UBXN11: variants seen among roughly 807,000 people sequenced by gnomAD.
The protein encoded by UBXN11 is UBX domain protein 11.
Under a neutral mutation model 62.8 loss-of-function variants are expected in UBXN11, and 47 were observed. The ratio of observed to expected loss-of-function variants is 0.75; its 90% CI spans 0.59 to 0.95. UBXN11 has a LOEUF of 0.95. Ranked by LOEUF, UBXN11 falls within the 40% of genes least tolerant of loss-of-function variation. UBXN11 has a pLI of 0.00. For synonymous variants in UBXN11, 294 were observed against 267.0 expected, an observed-to-expected ratio of 1.10 and a Z score of -0.99; for missense variants, 638 against 661.7, an observed-to-expected ratio of 0.96 and a Z score of 0.39.
At chr1:26,298,118 G>C (rs906423147) in intron 4 of UBXN11, 56 bp from the exon 5 acceptor site, 22 of 1,563,344 alleles carry the variant, frequency 1.4e-5, no homozygotes, top group Admixed American at 1.1e-4. Context: ...CTGAGTTGTG[G>C]GGGGGAGGGA....
In UBXN11 at chr1:26,296,903, G is replaced by A. The variant is rs773768542; in HGVS notation, c.432+16C>T. 8 of 1,598,456 alleles carry A rather than the reference G, an allele frequency of 5.0e-6. No individual in the cohort carries two copies. The highest frequency in any genetic ancestry group is 1.3e-5 in the African/African-American group (1 of 74,718). On this transcript the variant is annotated intron_variant, in intron 7 of 14. Coordinates refer to ENST00000374222, the MANE Select transcript of UBXN11 (RefSeq NM_001389556.1). ...ACTGCTGGCTGCCCGCATCCCCCGG[G>A]GCCCAGCTCTCTCACCTCCATCTCC...
chr1:26,298,085 A>G (rs1212219488), intron 4 of UBXN11, 23 bp from the exon 5 acceptor site: 2 of 1,608,206 alleles, frequency 1.2e-6, no homozygotes, highest in East Asian at 4.5e-5. Flanking sequence ...CAAAGTCTTT[A>G]GAGCCCAGAC....
At chr1:26,296,338 C>T (rs1195938971) in intron 7 of UBXN11, among the ~76,000 whole-genome samples, 6 of 152,204 alleles carry the variant, frequency 3.9e-5, no homozygotes, top group Non-Finnish European at 5.9e-5. Context: ...GGAAACTGCT[C>T]CCTCCGTCGT....
Position 26,285,494 on chromosome 1 carries a change from C to T in UBXN11, c.822G>A (p.Gln274=). Residue 274 remains glutamine, a synonymous_variant, in exon 10 of 15, where the codon CAG becomes CAA. Transcript: ENST00000374222. ...ILDGFFPSEL[Q]RLYPNGVPFK... is the part of the protein sequence containing the mutation. ...AGGGGACCCCATTGGGGTACAGTCG[C>T]TGGAGCTCTGAGGGAAAGAAGCCAT... 1 of 1,604,588 alleles carries T rather than the reference C, an allele frequency of 6.2e-7. No homozygotes were observed. The highest frequency in any genetic ancestry group is 1.1e-5 in the South Asian group (1 of 90,450).
chr1:26,285,869 A>T lies in UBXN11; in HGVS notation c.728T>A (p.Met243Lys). 6.2e-7 allele frequency: 1 copy of T among 1,612,412 alleles called. No individual in the cohort carries two copies. The highest frequency in any genetic ancestry group is 8.5e-7 in the Non-Finnish European group (1 of 1,178,594). ...IPLKLYRNGI[M>K]MFDGPFQPFY... ...GGGCTGGAAGGGCCCGTCGAACATCATGATGCCATTCCGGTAGAGCTTCAG... is the reference window on the plus strand; with the variant it reads ...GGGCTGGAAGGGCCCGTCGAACATCTTGATGCCATTCCGGTAGAGCTTCAG... The change falls in exon 9 of 15, where the codon ATG becomes AAG. Residue 243 changes from methionine (M) to lysine (K), a missense_variant. Coordinates refer to ENST00000374222, the MANE Select transcript of UBXN11 (RefSeq NM_001389556.1).
intron 8 of UBXN11, among the ~76,000 whole-genome samples, chr1:26,290,495 G>A (rs1057351959): frequency 3.3e-5 from 5 of 152,178 alleles, no homozygotes; most frequent in Admixed American, 6.5e-5. Context: ...AGCTTCAGAG[G>A]GGAGGGAAGC....
At position 26,284,470 on chromosome 1, in the gene UBXN11, G is replaced by C. The variant is rs138559558; in HGVS notation, c.865C>G (p.Arg289Gly). 6 of 1,600,052 alleles carry C rather than the reference G, an allele frequency of 3.7e-6. No individual in the cohort carries two copies. The East Asian group carries it at 1.1e-4, about 30-fold the overall frequency. Residue 289 changes from arginine (R) to glycine (G), a missense_variant, in exon 11 of 15, where the codon CGC (arginine) becomes GGC (glycine). Transcript: ENST00000374222. ...NGVPFKVSDL[R>G]NQVYLEDGLD... ...CCATCCTCCAGGTAGACCTGATTGC[G>C]CAAGTCACTCACCTGGCAAGAAAGA...
intron 2 of UBXN11, among the ~76,000 whole-genome samples, chr1:26,302,199 T>C (rs866927653): frequency 2.0e-5 from 3 of 151,640 alleles, no homozygotes; most frequent in Admixed American, 2.0e-4. Flanking sequence ...CCGTCTCTAC[T>C]AAAAATACAA....
chr1:26,317,304 C>G (rs938477782), intron 1 of UBXN11, among the ~76,000 whole-genome samples: 9 of 152,212 alleles, frequency 5.9e-5, no homozygotes, highest in African/African-American at 2.2e-4. Flanking sequence ...CTATTTCAGT[C>G]TTCCCAGTTC....
upstream of UBXN11, among the ~76,000 whole-genome samples, chr1:26,310,392 G>A (rs1448159902): frequency 6.6e-6 from 1 of 152,106 alleles, no homozygotes; most frequent in Non-Finnish European, 1.5e-5. Context: ...ACAAAAATCA[G>A]CCAGGTGTGG....
rs796541942 is a variant in UBXN11, at chr1:26,301,695, A to G, written c.99T>C (p.Asp33=). 1.9e-6 allele frequency: 3 copies of G among 1,613,982 alleles called. No individual in the cohort carries two copies. Among genetic ancestry groups the G allele is most frequent in the East Asian group, 4.5e-5 (2 of 44,882 alleles). Reference sequence around the variant, plus strand: ...GGCACGAGGGCGGGGCACACTTACCATCTCCATAGATGCGGATTCCTCGCC... The same window carrying G: ...GGCACGAGGGCGGGGCACACTTACCGTCTCCATAGATGCGGATTCCTCGCC... ...PGRRGIRIYG[D]EDEVDMLSDG... The change falls in exon 3 of 15, where the codon GAT becomes GAC. Residue 33 remains aspartate (D), a splice_region_variant and synonymous_variant. Transcript: ENST00000374222.
At position 26,300,777 on chromosome 1, in the gene UBXN11, C is replaced by A. The variant is rs1042856012; in HGVS notation, c.199+149G>T. On this transcript the variant is annotated intron_variant, in intron 4 of 14. Transcript: ENST00000374222. Reference sequence around the variant, plus strand: ...GGGGCTTGTGTGGCTTTATGCCAAGCCAGGTCCCTGCCACAATCAGCCAGG... The same window carrying A: ...GGGGCTTGTGTGGCTTTATGCCAAGACAGGTCCCTGCCACAATCAGCCAGG... The A allele has an allele frequency of 1.2e-4, 171 of 1,369,908 alleles. 1 individual carries two copies. Among genetic ancestry groups the A allele is most frequent in the Non-Finnish European group, 1.6e-4 (163 of 1,022,828 alleles). The allele number at this position is 1,369,908 out of a possible 1,614,324, so 84.9% of individuals were successfully genotyped here. A position where few individuals can be genotyped will look rare whatever the true frequency, so the allele number is the denominator to read the frequency against.
At position 26,297,482 on chromosome 1, in the gene UBXN11, C is replaced by T. The variant is rs1193500265; in HGVS notation, c.301-1G>A. ...CCTCTAGGGCCGCTATCTTCTGATC[C>T]TGTAGCATAAGACACAGGGTGAGCA... On this transcript the variant is annotated splice_acceptor_variant, in intron 5 of 14. Transcript: ENST00000374222. LOFTEE classifies it high-confidence loss of function. The T allele has an allele frequency of 6.4e-6, 10 of 1,554,924 alleles. No individual in the cohort carries two copies. Among genetic ancestry groups the T allele is most frequent in the Non-Finnish European group, 8.7e-6 (10 of 1,149,098 alleles).
At chr1:26,292,311 A>G (rs1258949141) in intron 8 of UBXN11, among the ~76,000 whole-genome samples, 1 of 151,612 alleles carries the variant, frequency 6.6e-6, no homozygotes, top group African/African-American at 2.4e-5. Flanking sequence ...GGCATCCAGG[A>G]GTTCAAGACC....
Position 26,294,203 on chromosome 1 carries a change from A to C in UBXN11, c.559+2T>G. On this transcript the variant is annotated splice_donor_variant, in intron 8 of 14. Coordinates refer to ENST00000374222, the MANE Select transcript of UBXN11 (RefSeq NM_001389556.1). LOFTEE classifies it high-confidence loss of function. ...GGGCCTGGGGCAGACGCCCTGCTCT[A>C]CCTGGCTTCCAGAACTTCTTGGCTG... 6.2e-7 allele frequency: 1 copy of C among 1,613,912 alleles called. No individual in the cohort carries two copies. The highest frequency in any genetic ancestry group is 8.5e-7 in the Non-Finnish European group (1 of 1,179,856).
upstream of UBXN11, among the ~76,000 whole-genome samples, chr1:26,309,541 T>C (rs1488697606): frequency 6.6e-6 from 1 of 152,166 alleles, no homozygotes; most frequent in Non-Finnish European, 1.5e-5. Context: ...CCCTTCTGGT[T>C]TGATTTTTTT....
At chr1:26,304,658 C>G (rs980147390) in intron 1 of UBXN11, among the ~76,000 whole-genome samples, 1 of 152,112 alleles carries the variant, frequency 6.6e-6, no homozygotes, top group African/African-American at 2.4e-5. Context: ...GAGGCCGAGG[C>G]AGAAGAATTG....
Position 26,282,450 on chromosome 1 carries a change from G to T in UBXN11, c.1412C>A (p.Ala471Glu), listed in dbSNP as rs1338898134. Residue 471 changes from alanine (A) to glutamate (E), a missense_variant, in exon 15 of 15, where the codon GCA becomes GAA. Coordinates refer to ENST00000374222, the MANE Select transcript of UBXN11 (RefSeq NM_001389556.1). ...CAGGCTGGACTTCGGGGCTCGGCGT[G>T]CCCGCAGCAGCAGTGCTGCTTTGGG... ...LVPKAALLLR[A>E]RRAPKSSLKF... 1 of 1,611,502 alleles carries T rather than the reference G, an allele frequency of 6.2e-7. No homozygotes were observed. Among genetic ancestry groups the T allele is most frequent in the Admixed American group, 1.7e-5 (1 of 59,716 alleles).
At chr1:26,308,265 CA>C (rs112792329), upstream of UBXN11, among the ~76,000 whole-genome samples, 2,529 of 78,340 alleles carry the variant, frequency 0.032, 83 homozygotes, top group African/African-American at 0.1. Flanking sequence ...GAAACTCTGT[CA>C]AAAAAAAAAA....
Sources: allele counts gnomAD v4.1 joint callset (sites outside exome capture counted in the v4.1 genomes callset), GRCh38; gene constraint gnomAD v4.1.1; transcripts MANE v1.5; gene names NCBI Gene and HGNC (gene_info 2026-07-23, HGNC 2026-07-21).